HCN1: variants seen among roughly 807,000 people sequenced by gnomAD.
HCN1 encodes the protein potassium/sodium hyperpolarization-activated cyclic nucleotide-gated channel 1.
A neutral mutation model predicts 78.9 loss-of-function variants in HCN1; 13 were observed. The ratio of observed to expected loss-of-function variants is 0.16; its 90% CI spans 0.11 to 0.26. The LOEUF is 0.26. Ranked by LOEUF, HCN1 falls within the 10% of genes least tolerant of loss-of-function variation. HCN1 has a pLI of 1.00. For synonymous variants in HCN1, 552 were observed against 455.5 expected, an observed-to-expected ratio of 1.21 and a Z score of -2.70; for missense variants, 810 against 1,154.3, an observed-to-expected ratio of 0.70 and a Z score of 4.32.
chr5:45,284,936 G>T (rs1745237635), intron 6 of HCN1, among the ~76,000 whole-genome samples: 1 of 151,998 alleles, frequency 6.6e-6, no homozygotes, highest in Non-Finnish European at 1.5e-5. Context: ...AACAATGTAG[G>T]TCAATTCTAT....
At chr5:45,652,624 C>A (rs915359331) in intron 1 of HCN1, among the ~76,000 whole-genome samples, 3 of 151,902 alleles carry the variant, frequency 2.0e-5, no homozygotes, top group African/African-American at 7.2e-5. Context: ...TTACAAATAA[C>A]TATATATCCT....
chr5:45,303,932 A>G (rs1433194133), intron 5 of HCN1, 93 bp from the exon 6 acceptor site: 7 of 1,090,572 alleles, frequency 6.4e-6, no homozygotes, highest in African/African-American at 1.6e-5. Flanking sequence ...ACAGCATAAC[A>G]TTGTAATTTA....
At chr5:45,383,166 T>C (rs897644109) in intron 4 of HCN1, among the ~76,000 whole-genome samples, 3 of 152,188 alleles carry the variant, frequency 2.0e-5, no homozygotes, top group Non-Finnish European at 4.4e-5. Flanking sequence ...TTTTTCAGTG[T>C]GATGCTATCG....
At chr5:45,442,309 C>G (rs1740693626) in intron 3 of HCN1, among the ~76,000 whole-genome samples, 1 of 152,010 alleles carries the variant, frequency 6.6e-6, no homozygotes, top group Admixed American at 6.6e-5. Context: ...AGGCAGGAGT[C>G]TGAGACAAGA....
intron 2 of HCN1, among the ~76,000 whole-genome samples, chr5:45,531,374 T>C (rs1742845130): frequency 6.6e-6 from 1 of 152,172 alleles, no homozygotes; most frequent in South Asian, 2.1e-4. Flanking sequence ...CCCACTGAAA[T>C]AGGGGACTCT....
chr5:45,449,284 A>C (rs991242955), intron 3 of HCN1, among the ~76,000 whole-genome samples: 1 of 152,190 alleles, frequency 6.6e-6, no homozygotes, highest in African/African-American at 2.4e-5. Flanking sequence ...GAATCTAAAT[A>C]ATCTAGTTCC....
rs1418903268 is a variant in HCN1, at chr5:45,283,335, C to G, written c.1619-16082G>C. 2.0e-5 allele frequency among the ~76,000 whole-genome samples: 3 copies of G among 152,050 alleles called. No homozygotes were observed. In the East Asian group the frequency reaches 5.8e-4, roughly 29 times the overall value. On this transcript the variant is annotated intron_variant, in intron 6 of 7. Transcript: ENST00000303230. Reference sequence around the variant, plus strand: ...AGGAGTTTCTGCACAGCAAAATAAACTATCAACAGAGTAAACAGACAACCT... The same window carrying G: ...AGGAGTTTCTGCACAGCAAAATAAAGTATCAACAGAGTAAACAGACAACCT...
intron 6 of HCN1, among the ~76,000 whole-genome samples, chr5:45,293,210 A>G (rs577667105): frequency 1.3e-5 from 2 of 152,192 alleles, no homozygotes; most frequent in African/African-American, 4.8e-5. Flanking sequence ...ATACACTGAC[A>G]TCAACAGTGT....
At chr5:45,496,301 G>C (rs1742028373) in intron 2 of HCN1, among the ~76,000 whole-genome samples, 1 of 151,034 alleles carries the variant, frequency 6.6e-6, no homozygotes, top group Admixed American at 6.6e-5. Flanking sequence ...TCTATTCAGA[G>C]ATTCAACTTC....
chr5:45,685,699 C>T (rs576412296), intron 1 of HCN1, among the ~76,000 whole-genome samples: 5 of 150,822 alleles, frequency 3.3e-5, no homozygotes, highest in East Asian at 1.9e-4. Flanking sequence ...GCAAAAAGAA[C>T]GAAACTCCAT....
At chr5:45,639,752 A>G (rs1177094191) in intron 2 of HCN1, among the ~76,000 whole-genome samples, 1 of 152,166 alleles carries the variant, frequency 6.6e-6, no homozygotes, top group East Asian at 1.9e-4. Flanking sequence ...GACTGCATAC[A>G]AAAAAATGCG....
chr5:45,486,576 G>A (rs550949467), intron 2 of HCN1, among the ~76,000 whole-genome samples: 25 of 151,998 alleles, frequency 1.6e-4, no homozygotes, highest in African/African-American at 5.3e-4. Flanking sequence ...TGGCCATCAC[G>A]TTCTATTAAT....
intron 2 of HCN1, among the ~76,000 whole-genome samples, chr5:45,476,104 T>C (rs1041006568): frequency 6.6e-6 from 1 of 152,110 alleles, no homozygotes; most frequent in Non-Finnish European, 1.5e-5. Flanking sequence ...ATTCTCAAGG[T>C]TTCCATAGAT....
intron 5 of HCN1, among the ~76,000 whole-genome samples, chr5:45,343,814 T>C (rs1475016567): frequency 1.3e-5 from 2 of 151,742 alleles, no homozygotes; most frequent in South Asian, 2.1e-4. Flanking sequence ...GAAAATCCAA[T>C]GGCTCAGAAA....
intron 2 of HCN1, among the ~76,000 whole-genome samples, chr5:45,550,735 A>C (rs1228933698): frequency 6.6e-6 from 1 of 152,048 alleles, no homozygotes. Flanking sequence ...GACTTACCTA[A>C]ATGTTAGCTT....
intron 6 of HCN1, among the ~76,000 whole-genome samples, chr5:45,297,791 T>C (rs1034514619): frequency 6.6e-6 from 1 of 152,058 alleles, no homozygotes; most frequent in Non-Finnish European, 1.5e-5. Flanking sequence ...GCAAGGCTGG[T>C]TCAACATTTA....
intron 2 of HCN1, among the ~76,000 whole-genome samples, chr5:45,589,243 G>A (rs538023866): frequency 6.6e-6 from 1 of 152,308 alleles, no homozygotes; most frequent in East Asian, 1.9e-4. Context: ...GGAGCAATGG[G>A]TGTCAGTAAA....
At chr5:45,456,540 C>T (rs1431186115) in intron 3 of HCN1, among the ~76,000 whole-genome samples, 1 of 151,754 alleles carries the variant, frequency 6.6e-6, no homozygotes, top group African/African-American at 2.4e-5. Flanking sequence ...AATGAAATAC[C>T]CTTGACTTGG....
chr5:45,619,351 C>T (rs192398199), intron 2 of HCN1, among the ~76,000 whole-genome samples: 97 of 152,166 alleles, frequency 6.4e-4, no homozygotes, highest in African/African-American at 2.0e-3. Context: ...AGAAAAATTG[C>T]AGATTCAAAC....
Sources: gnomAD v4.1 joint callset for allele counts (sites outside exome capture counted in the v4.1 genomes callset) on GRCh38, gnomAD v4.1.1 for gene constraint, MANE v1.5 for transcripts, NCBI Gene and HGNC (gene_info 2026-07-23, HGNC 2026-07-21) for gene names.